Variants in UNC5D observed in about 807,000 individuals in gnomAD.
The protein encoded by UNC5D is netrin receptor UNC5D.
In UNC5D, 39 loss-of-function variants were observed where a neutral mutation model predicts 105.4. The observed-to-expected ratio is 0.37, with a 90% CI of 0.29 to 0.48. The LOEUF is 0.48. Among genes scored for constraint, UNC5D ranks in the 20% least tolerant of loss-of-function variants. The pLI is 0.98. For missense variants in UNC5D, 991 were observed against 1,202.4 expected, an observed-to-expected ratio of 0.82 and a Z score of 2.60; for synonymous variants, 452 against 450.4, an observed-to-expected ratio of 1.00 and a Z score of -0.04.
chr8:35,368,257 T>C lies in UNC5D; in HGVS notation c.103+132370T>C, dbSNP rs565697325. ...CTGAAACAATAGAACAACAAACTGG[T>C]TTTAGAGCTCCTCATCCAGGTTCAC... is the stretch of plus-strand genomic sequence containing the variant. On this transcript the variant is annotated intron_variant, in intron 1 of 16. Coordinates refer to ENST00000404895, the MANE Select transcript of UNC5D (RefSeq NM_080872.4). 3.9e-5 allele frequency among the ~76,000 whole-genome samples: 6 copies of C among 152,246 alleles called. No homozygotes were observed. The East Asian group carries it at 1.2e-3, about 29-fold the overall frequency.
intron 4 of UNC5D, among the ~76,000 whole-genome samples, chr8:35,616,121 G>T (rs1196656493): frequency 4.6e-5 from 7 of 152,128 alleles, no homozygotes; most frequent in African/African-American, 1.7e-4. Flanking sequence ...TTTTTGAAGC[G>T]CCTAGATGCC....
chr8:35,320,721 G>C (rs72633562), intron 1 of UNC5D, among the ~76,000 whole-genome samples: 21,654 of 152,050 alleles, frequency 0.14, 1,881 homozygotes, highest in Non-Finnish European at 0.2. Flanking sequence ...GCTGTGCCTG[G>C]ACATCCAAAG....
In UNC5D at chr8:35,406,514, G is replaced by A. The variant is rs540076104; in HGVS notation, c.104-142778G>A. On this transcript the variant is annotated intron_variant, in intron 1 of 16. Coordinates refer to ENST00000404895, the MANE Select transcript of UNC5D (RefSeq NM_080872.4). ...ATCTCAGTCATATTGGGCTGGTCCT[G>A]AAAAATTGTTGTAGGGTTATTTGGT... is the stretch of plus-strand genomic sequence containing the variant. 5.9e-5 allele frequency among the ~76,000 whole-genome samples: 9 copies of A among 152,234 alleles called. No homozygotes were observed. The East Asian group carries it at 1.5e-3, about 26-fold the overall frequency.
intron 1 of UNC5D, among the ~76,000 whole-genome samples, chr8:35,462,027 T>C (rs1808929317): frequency 6.6e-6 from 1 of 152,172 alleles, no homozygotes; most frequent in South Asian, 2.1e-4. Context: ...ATCTGTGAGC[T>C]TTTTGGTGTC....
rs1211030651 is a variant in UNC5D at position 35,686,687 on chromosome 8, C to T, written c.1062C>T (p.Cys354=). 3 of 1,600,880 alleles carry T rather than the reference C, an allele frequency of 1.9e-6. No homozygotes were observed. The highest frequency in any genetic ancestry group is 1.1e-5 in the South Asian group (1 of 88,796). The change falls in exon 7 of 17, where the codon TGC becomes TGT. Residue 354 remains cysteine, a synonymous_variant. Transcript: ENST00000404895. ...CEGLSQESEN[C]TDGLCILDKK... The stretch of plus-strand genomic sequence containing the variant: ...GTCTAAGCCAGGAATCTGAAAACTG[C>T]ACAGATGGTCTTTGCATCCTAGGTA...
intron 1 of UNC5D, among the ~76,000 whole-genome samples, chr8:35,326,979 C>T (rs780272114): frequency 5.3e-5 from 8 of 152,034 alleles, no homozygotes; most frequent in Non-Finnish European, 1.0e-4. Flanking sequence ...TAAGGTTTAG[C>T]GGTGGGGAGT....
chr8:35,500,195 A>G (rs965967478), intron 1 of UNC5D, among the ~76,000 whole-genome samples: 1 of 152,184 alleles, frequency 6.6e-6, no homozygotes, highest in African/African-American at 2.4e-5. Context: ...TTTATTTCTT[A>G]TAGTTCTGGA....
intron 7 of UNC5D, among the ~76,000 whole-genome samples, chr8:35,692,087 T>C (rs918054382): frequency 6.6e-6 from 1 of 152,146 alleles, no homozygotes; most frequent in Non-Finnish European, 1.5e-5. Context: ...CAGTTCAACA[T>C]TGACAGTTCA....
rs901883298 is a variant in UNC5D, at chr8:35,794,920, C to T, written c.*4357C>T. Reference sequence around the variant, plus strand: ...GCCGTTAGTCACTAGTGTGTAGTACCGTGATCTGAAGTAGGAAATTTAACT... The same window carrying T: ...GCCGTTAGTCACTAGTGTGTAGTACTGTGATCTGAAGTAGGAAATTTAACT... On this transcript the variant is annotated 3_prime_UTR_variant, in exon 17 of 17. Coordinates refer to ENST00000404895, the MANE Select transcript of UNC5D (RefSeq NM_080872.4). 2 of 152,146 alleles carry T rather than the reference C, an allele frequency of 1.3e-5. No individual in the cohort carries two copies. Among genetic ancestry groups the T allele is most frequent in the East Asian group, 1.9e-4 (1 of 5,190 alleles). 9.4% of individuals were successfully genotyped at this position (152,146 alleles called of 1,614,324 possible).
intron 2 of UNC5D, among the ~76,000 whole-genome samples, chr8:35,557,675 C>T (rs1288179337): frequency 6.6e-6 from 1 of 151,788 alleles, no homozygotes; most frequent in Non-Finnish European, 1.5e-5. Context: ...TAAAAGAGTC[C>T]CCGGAGCTGT....
At chr8:35,246,751 G>A (rs1368183453) in intron 1 of UNC5D, among the ~76,000 whole-genome samples, 1 of 152,084 alleles carries the variant, frequency 6.6e-6, no homozygotes, top group Non-Finnish European at 1.5e-5. Flanking sequence ...TTTGTTAAGA[G>A]ATTTAAAGAA....
intron 7 of UNC5D, among the ~76,000 whole-genome samples, chr8:35,688,916 C>G (rs936371947): frequency 6.6e-6 from 1 of 152,212 alleles, no homozygotes; most frequent in African/African-American, 2.4e-5. Flanking sequence ...AAGGAAAGAA[C>G]TAAGCTTTTT....
intron 4 of UNC5D, among the ~76,000 whole-genome samples, chr8:35,644,406 G>A (rs190672344): frequency 1.8e-4 from 27 of 152,224 alleles, no homozygotes; most frequent in African/African-American, 6.3e-4. Flanking sequence ...TGCCTTTGCT[G>A]TAGCTTAGTC....
chr8:35,440,371 A>C (rs529267435), intron 1 of UNC5D, among the ~76,000 whole-genome samples: 1 of 152,072 alleles, frequency 6.6e-6, no homozygotes, highest in Non-Finnish European at 1.5e-5. Context: ...CGGAAAATTT[A>C]GCCACTTTTA....
chr8:35,284,877 C>T (rs969721748), intron 1 of UNC5D, among the ~76,000 whole-genome samples: 4 of 152,104 alleles, frequency 2.6e-5, no homozygotes, highest in African/African-American at 9.7e-5. Context: ...TGTTTATTTT[C>T]TAGAAGCAAA....
intron 1 of UNC5D, among the ~76,000 whole-genome samples, chr8:35,284,212 A>G (rs1339025385): frequency 6.6e-6 from 1 of 152,218 alleles, no homozygotes; most frequent in African/African-American, 2.4e-5. Context: ...TGAAATTATT[A>G]TGGACTCATA....
chr8:35,651,390 G>A (rs894155933), intron 4 of UNC5D, among the ~76,000 whole-genome samples: 5 of 152,200 alleles, frequency 3.3e-5, no homozygotes, highest in African/African-American at 7.2e-5. Flanking sequence ...AATAAAAAGA[G>A]AGGTAAACAC....
At chr8:35,525,612 T>C in intron 1 of UNC5D, 1 of 1,613,516 alleles carries the variant, frequency 6.2e-7, no homozygotes, top group Non-Finnish European at 8.5e-7. Context: ...GTCTGCATGG[T>C]TGGGCTTTCC....
chr8:35,698,696 T>C (rs1010705518), intron 7 of UNC5D, among the ~76,000 whole-genome samples: 4 of 152,186 alleles, frequency 2.6e-5, no homozygotes, highest in African/African-American at 9.6e-5. Flanking sequence ...ATCTTTGCTA[T>C]TGTAAATCAC....
Sources: gnomAD v4.1 joint callset for allele counts (sites outside exome capture counted in the v4.1 genomes callset) on GRCh38, gnomAD v4.1.1 for gene constraint, MANE v1.5 for transcripts, NCBI Gene and HGNC (gene_info 2026-07-23, HGNC 2026-07-21) for gene names.